The following FANK1 variants were observed in gnomAD, a reference collection of about 807,000 sequenced individuals.
FANK1 encodes fibronectin type 3 and ankyrin repeat domains protein 1.
A neutral mutation model predicts 45.3 loss-of-function variants in FANK1; 44 were observed. The observed-to-expected ratio is 0.97, with a 90% CI of 0.76 to 1.25. The LOEUF (loss-of-function observed/expected upper bound fraction) is 1.25. Among genes scored for constraint, FANK1 ranks in the 50% most tolerant of loss-of-function variants. The pLI, the probability that FANK1 is intolerant of heterozygous loss-of-function variation, is 0.00. For missense variants in FANK1, 391 were observed against 424.4 expected, an observed-to-expected ratio of 0.92 and a Z score of 0.69; for synonymous variants, 149 against 152.5, an observed-to-expected ratio of 0.98 and a Z score of 0.17.
chr10:125,971,836 A>G (rs534028936), intron 1 of FANK1, among the ~76,000 whole-genome samples: 9 of 152,114 alleles, frequency 5.9e-5, no homozygotes, highest in East Asian at 3.9e-4. Flanking sequence ...GTTAGCCAGG[A>G]TGGTCTCGAT....
chr10:125,965,739 C>G (rs1385770584), intron 1 of FANK1, among the ~76,000 whole-genome samples: 1 of 152,176 alleles, frequency 6.6e-6, no homozygotes, highest in Non-Finnish European at 1.5e-5. Context: ...TTGCTTAGAG[C>G]AAGCCTGCAG....
chr10:125,941,355 A>G (rs1428090228), intron 1 of FANK1, among the ~76,000 whole-genome samples: 1 of 152,250 alleles, frequency 6.6e-6, no homozygotes, highest in African/African-American at 2.4e-5. Flanking sequence ...AAACAGGGAA[A>G]TAAGACCATC....
intron 6 of FANK1, among the ~76,000 whole-genome samples, chr10:126,003,677 TA>T (rs1183121299): frequency 2.1e-5 from 2 of 93,306 alleles, no homozygotes; most frequent in Middle Eastern, 4.2e-3. Context: ...ATTTTTTATT[TA>T]TTTTTTTTAT....
At chr10:125,992,508 G>A (rs182209916) in intron 3 of FANK1, among the ~76,000 whole-genome samples, 2 of 152,316 alleles carry the variant, frequency 1.3e-5, no homozygotes, top group East Asian at 3.9e-4. Flanking sequence ...TCAGTGAGGT[G>A]TCCCTTTGTT....
chr10:125,941,779 C>G (rs1029605037), intron 1 of FANK1, among the ~76,000 whole-genome samples: 12 of 152,228 alleles, frequency 7.9e-5, no homozygotes, highest in Non-Finnish European at 1.5e-4. Flanking sequence ...TAAAACAAGT[C>G]TCAAAATCAT....
chr10:125,914,280 C>CATATATATATATATATATATATATAT (rs572373307), intron 1 of FANK1, among the ~76,000 whole-genome samples: 1,446 of 140,034 alleles, frequency 0.01, 76 homozygotes, highest in African/African-American at 0.04. Flanking sequence ...CTTTGTATGC[C>CATATATATATATATATATATATATAT]ATATATATAT....
At chr10:125,963,562 C>T (rs1179124860) in intron 1 of FANK1, among the ~76,000 whole-genome samples, 1 of 152,176 alleles carries the variant, frequency 6.6e-6, no homozygotes, top group African/African-American at 2.4e-5. Context: ...ACTATGCAGC[C>T]ATAAGAAAGG....
chr10:125,973,318 T>C (rs1950636302), intron 1 of FANK1: 1 of 423,400 alleles, frequency 2.4e-6, no homozygotes, highest in African/African-American at 2.2e-5. Flanking sequence ...TGTTGGCTTC[T>C]GGTTATTTTG....
chr10:125,985,332 G>A (rs544258268), intron 2 of FANK1, among the ~76,000 whole-genome samples: 6 of 152,112 alleles, frequency 3.9e-5, no homozygotes, highest in Non-Finnish European at 8.8e-5. Context: ...CAGTTTCTAT[G>A]ACTCAAATAT....
At chr10:125,921,265 T>TA (rs1293638995) in intron 1 of FANK1, among the ~76,000 whole-genome samples, 1 of 152,256 alleles carries the variant, frequency 6.6e-6, no homozygotes, top group Non-Finnish European at 1.5e-5. Context: ...TGTGTTCCTC[T>TA]AGCATTGCTT....
intron 1 of FANK1, chr10:125,960,083 T>A (rs893533839): frequency 3.2e-5 from 5 of 156,716 alleles, no homozygotes; most frequent in African/African-American, 9.6e-5. Context: ...ACAGGAAAGG[T>A]CTGAAATAAC....
intron 1 of FANK1, among the ~76,000 whole-genome samples, chr10:125,926,675 C>T (rs1350856696): frequency 2.6e-5 from 4 of 152,092 alleles, no homozygotes; most frequent in South Asian, 2.1e-4. Context: ...TTGTTTTATA[C>T]GTTTCACGTT....
At chr10:125,987,860 C>T (rs1228831276) in intron 2 of FANK1, among the ~76,000 whole-genome samples, 1 of 152,182 alleles carries the variant, frequency 6.6e-6, no homozygotes, top group Non-Finnish European at 1.5e-5. Flanking sequence ...TTTCTTGGTG[C>T]TGATTTTGCA....
At chr10:125,929,814 A>G (rs532961532) in intron 1 of FANK1, among the ~76,000 whole-genome samples, 22 of 152,278 alleles carry the variant, frequency 1.4e-4, no homozygotes, top group Middle Eastern at 6.8e-3. Flanking sequence ...AGTTCCTGTT[A>G]CAGAGTTTTT....
chr10:125,905,208 G>A (rs542389129), intron 1 of FANK1, among the ~76,000 whole-genome samples: 1 of 152,418 alleles, frequency 6.6e-6, no homozygotes, highest in East Asian at 1.9e-4. Context: ...GAGGTGGGAG[G>A]ATCACTGGAA....
intron 1 of FANK1, among the ~76,000 whole-genome samples, chr10:125,955,631 C>T (rs1370292555): frequency 4.6e-5 from 7 of 152,120 alleles, no homozygotes; most frequent in African/African-American, 1.7e-4. Flanking sequence ...CAGGTGTATG[C>T]CACCACACCC....
intron 3 of FANK1, 26 bp downstream of exon 3, chr10:125,988,701 A>T (rs745839395): frequency 6.2e-7 from 1 of 1,614,056 alleles, no homozygotes; most frequent in South Asian, 1.1e-5. Context: ...GTCCACACTC[A>T]CCTCTCTCTA....
chr10:125,914,908 T>C (rs532494079), intron 1 of FANK1, among the ~76,000 whole-genome samples: 1 of 152,080 alleles, frequency 6.6e-6, no homozygotes, highest in Non-Finnish European at 1.5e-5. Context: ...GAGGTAGAAC[T>C]GCTGGCAGGG....
chr10:125,971,126 A>G (rs745883808), intron 1 of FANK1, among the ~76,000 whole-genome samples: 25 of 152,310 alleles, frequency 1.6e-4, no homozygotes, highest in African/African-American at 3.6e-4. Flanking sequence ...CCCTAAGTAT[A>G]TACAATCTTT....
Sources: allele counts gnomAD v4.1 joint callset (sites outside exome capture counted in the v4.1 genomes callset), GRCh38; gene constraint gnomAD v4.1.1; transcripts MANE v1.5; gene names NCBI Gene and HGNC (gene_info 2026-07-23, HGNC 2026-07-21).